The following KDM2A variants were observed in gnomAD, a reference collection of about 807,000 sequenced individuals.
The protein encoded by KDM2A is lysine demethylase 2A, also known as lysine-specific demethylase 2A.
KDM2A carries 3 observed loss-of-function variants against 137.3 expected under a neutral mutation model. The observed-to-expected ratio is 0.02, with a 90% CI of 0.01 to 0.06. The LOEUF (loss-of-function observed/expected upper bound fraction) is 0.06, where lower values mean the gene tolerates loss of function less well. KDM2A is among the 10% of genes least tolerant of loss of function. The probability of loss-of-function intolerance (pLI) is 1.00; values close to 1 mark genes in which losing one functional copy is unlikely to be tolerated. For synonymous variants in KDM2A, 512 were observed against 541.5 expected (o/e 0.95, Z 0.76); for missense variants, 738 against 1,510.6 (o/e 0.49, Z 8.48).
chr11:67,167,980 A>G (rs935350074), intron 2 of KDM2A, among the ~76,000 whole-genome samples: 2 of 152,234 alleles, frequency 1.3e-5, no homozygotes, highest in Non-Finnish European at 2.9e-5. Flanking sequence ...AGATCAAAAG[A>G]TAAAAACTTG....
At chr11:67,198,277 A>G (rs2136362604) in intron 5 of KDM2A, among the ~76,000 whole-genome samples, 1 of 151,622 alleles carries the variant, frequency 6.6e-6, no homozygotes, top group Middle Eastern at 3.5e-3. Context: ...TACCCAGAGT[A>G]TGAGCGCACC....
At chr11:67,120,914 T>C (rs79913396) in intron 1 of KDM2A, among the ~76,000 whole-genome samples, 1 of 147,462 alleles carries the variant, frequency 6.8e-6, no homozygotes, top group East Asian at 1.9e-4. Flanking sequence ...AGTCCTGGGC[T>C]TTTTTTTTTT....
At chr11:67,223,625 G>A (rs888230452) in intron 10 of KDM2A, among the ~76,000 whole-genome samples, 45 of 151,938 alleles carry the variant, frequency 3.0e-4, no homozygotes, top group African/African-American at 1.0e-3. Flanking sequence ...GCCCAGGCTC[G>A]TCTCAAACTC....
intron 10 of KDM2A, among the ~76,000 whole-genome samples, chr11:67,226,188 T>C (rs1590805198): frequency 1.3e-5 from 2 of 150,386 alleles, no homozygotes; most frequent in Non-Finnish European, 3.0e-5. Context: ...ACCCAGGAGG[T>C]GGAGGTTGCA....
intron 3 of KDM2A, among the ~76,000 whole-genome samples, chr11:67,180,833 T>A (rs1018901573): frequency 5.9e-5 from 9 of 151,594 alleles, no homozygotes; most frequent in Non-Finnish European, 1.0e-4. Flanking sequence ...TTTTTTTTTT[T>A]ATACTTTTAG....
At position 67,252,839 on chromosome 11, in the gene KDM2A, C is replaced by T; in HGVS notation, c.2914C>T (p.Leu972Phe). 6.2e-7 allele frequency: 1 copy of T among 1,609,136 alleles called. No homozygotes were observed. Among genetic ancestry groups the T allele is most frequent in the Non-Finnish European group, 8.5e-7 (1 of 1,176,072 alleles). Reference sequence around the variant, plus strand: ...CATCTCTAAAAAGCAACTGACATGGCTCGTCAATAGGCTGCCAGGTAAGTG... The same window carrying T: ...CATCTCTAAAAAGCAACTGACATGGTTCGTCAATAGGCTGCCAGGTAAGTG... ...TNISKKQLTW[L>F]VNRLPGLKDL... Residue 972 changes from leucine (L) to phenylalanine (F), a missense_variant, in exon 18 of 21, where the codon CTC becomes TTC. Physicochemically the swap from Leu to Phe is conservative, Grantham distance 22. Around this residue, in one of 9 missense-constraint regions of KDM2A, gnomAD observed 166 missense variants for 324.0 expected, o/e 0.51. Transcript: ENST00000529006.
chr11:67,121,486 G>C (rs1295077932), intron 2 of KDM2A, 128 bp downstream of exon 2: 2 of 788,440 alleles, frequency 2.5e-6, no homozygotes, highest in Admixed American at 4.9e-5. Context: ...CACCAGAGGA[G>C]GGGGAAAGGT....
chr11:67,173,458 A>G (rs1856917909), intron 2 of KDM2A, among the ~76,000 whole-genome samples: 1 of 151,810 alleles, frequency 6.6e-6, no homozygotes, highest in African/African-American at 2.4e-5. Context: ...GGGTTTTGCA[A>G]TATTGGCCAG....
chr11:67,254,482 A>G lies in KDM2A; in HGVS notation c.3307+64A>G. The G allele has an allele frequency of 7.2e-7, 1 of 1,394,740 alleles. No individual in the cohort carries two copies. Among genetic ancestry groups the G allele is most frequent in the Non-Finnish European group, 1.0e-6 (1 of 985,970 alleles). The allele number at this position is 1,394,740 out of a possible 1,614,324, so 86.4% of individuals were successfully genotyped here. On this transcript the variant is annotated intron_variant, in intron 20 of 20. Coordinates refer to ENST00000529006, the MANE Select transcript of KDM2A (RefSeq NM_012308.3). The surrounding 1 kb of genome is among the most constrained non-coding windows in gnomAD (Gnocchi z 4.7). ...TGCCTCCAGCCCTCCCTGGAACTTG[A>G]TCAGTAAACCAGAATGACCTTGGGT...
At chr11:67,215,253 A>G (rs925735686) in intron 6 of KDM2A, 87 bp from the exon 7 acceptor site, 1 of 751,728 alleles carries the variant, frequency 1.3e-6, no homozygotes. Context: ...TATGTATTTT[A>G]AGAAATTCTG....
chr11:67,147,747 A>T (rs1198973320), intron 2 of KDM2A, among the ~76,000 whole-genome samples: 1 of 150,752 alleles, frequency 6.6e-6, no homozygotes, highest in Non-Finnish European at 1.5e-5. Context: ...GTGCAATCTC[A>T]GCTCACTGCA....
intron 5 of KDM2A, among the ~76,000 whole-genome samples, chr11:67,193,689 C>T (rs1341094007): frequency 1.3e-5 from 2 of 151,824 alleles, no homozygotes; most frequent in African/African-American, 4.8e-5. Flanking sequence ...GGCAAAACGC[C>T]GTATCTACTA....
chr11:67,171,118 T>TG (rs1369337097), intron 2 of KDM2A, among the ~76,000 whole-genome samples: 1 of 152,216 alleles, frequency 6.6e-6, no homozygotes, highest in Non-Finnish European at 1.5e-5. Flanking sequence ...TAGACTCCTT[T>TG]GTGCCTTTTG....
chr11:67,134,617 G>A (rs1051546504), intron 2 of KDM2A, among the ~76,000 whole-genome samples: 1 of 151,966 alleles, frequency 6.6e-6, no homozygotes, highest in Non-Finnish European at 1.5e-5. Flanking sequence ...TGATTCTCCT[G>A]CCTCAGCCTC....
At chr11:67,122,320 CTTT>C (rs1290501232) in intron 2 of KDM2A, among the ~76,000 whole-genome samples, 1 of 152,060 alleles carries the variant, frequency 6.6e-6, no homozygotes, top group Non-Finnish European at 1.5e-5. Flanking sequence ...GAAGAGACTT[CTTT>C]ATTATTTATT....
intron 10 of KDM2A, among the ~76,000 whole-genome samples, chr11:67,220,891 A>G (rs1858324789): frequency 6.6e-6 from 1 of 152,160 alleles, no homozygotes; most frequent in South Asian, 2.1e-4. Context: ...TTCAACCATT[A>G]AAAAATGTAA....
At chr11:67,236,451 ATTG>A (rs1170634203) in intron 12 of KDM2A, among the ~76,000 whole-genome samples, 2 of 152,094 alleles carry the variant, frequency 1.3e-5, no homozygotes, top group Non-Finnish European at 2.9e-5. Flanking sequence ...TTTTAATCAG[ATTG>A]TTGTTTTTGT....
Position 67,254,210 on chromosome 11 carries a change from C to T in KDM2A, c.3099C>T (p.Asp1033=), listed in dbSNP as rs1418465211. The T allele has an allele frequency of 4.3e-6, 7 of 1,613,468 alleles. No individual in the cohort carries two copies. The African/African-American group carries it at 9.3e-5, about 22-fold the overall frequency. Residue 1033 remains aspartate (D), a synonymous_variant, in exon 20 of 21, where the codon GAC becomes GAT. Transcript: ENST00000529006. The surrounding 1 kb of genome is among the most constrained non-coding windows in gnomAD (Gnocchi z 4.7). ...LTPPADKPGQ[D]NRSKLRNMTD... is the part of the protein sequence containing the mutation. ...CTTCTCTTGCCTGTACAGGTCAGGACAATCGCAGCAAGCTCCGGAACATGA... is the reference window on the plus strand; with the variant it reads ...CTTCTCTTGCCTGTACAGGTCAGGATAATCGCAGCAAGCTCCGGAACATGA...
intron 5 of KDM2A, among the ~76,000 whole-genome samples, chr11:67,185,292 A>G (rs777141391): frequency 2.6e-5 from 4 of 152,222 alleles, no homozygotes; most frequent in Non-Finnish European, 4.4e-5. Context: ...TCTAAGGAAC[A>G]GAATGACAAA....
Sources: allele counts gnomAD v4.1 joint callset (sites outside exome capture counted in the v4.1 genomes callset), GRCh38; gene constraint gnomAD v4.1.1; regional missense constraint gnomAD v4.1.1; non-coding constraint Gnocchi (gnomAD v3.1); transcripts MANE v1.5; gene names NCBI Gene and HGNC (gene_info 2026-07-23, HGNC 2026-07-21).